MYO18B: variants seen among roughly 807,000 people sequenced by gnomAD.
The protein encoded by MYO18B is unconventional myosin-XVIIIb.
Under a neutral mutation model 273.0 loss-of-function variants are expected in MYO18B, and 204 were observed. The observed-to-expected ratio is 0.75, with a 90% CI of 0.67 to 0.84. The LOEUF (loss-of-function observed/expected upper bound fraction) is 0.84. Among genes scored for constraint, MYO18B ranks in the 40% least tolerant of loss-of-function variants. MYO18B has a pLI of 0.00. For synonymous variants in MYO18B, 1,330 were observed against 1,305.7 expected (o/e 1.02, Z -0.40); for missense variants, 3,212 against 3,287.6 (o/e 0.98, Z 0.56).
chr22:25,825,276 C>T (rs536203185), intron 13 of MYO18B, among the ~76,000 whole-genome samples: 2 of 152,054 alleles, frequency 1.3e-5, no homozygotes, highest in South Asian at 4.2e-4. Context: ...GGTTGCCTAG[C>T]AACAGCCCAG....
At chr22:25,849,114 A>C (rs1446638020) in intron 20 of MYO18B, among the ~76,000 whole-genome samples, 1 of 152,182 alleles carries the variant, frequency 6.6e-6, no homozygotes, top group Non-Finnish European at 1.5e-5. Context: ...CACTTAATCG[A>C]TTCTATTTGG....
Position 25,768,577 on chromosome 22 carries a change from C to T in MYO18B, c.661C>T (p.Leu221Phe). Residue 221 changes from leucine (L) to phenylalanine (F), a missense_variant, in exon 4 of 44, where the codon CTT becomes TTT. Leu to Phe is a conservative substitution (Grantham distance 22, BLOSUM62 0). Transcript: ENST00000335473. ...AGCTGAGAAGACCCGGACTGGGGGT[C>T]TTGGGGACCCAGGCCAAGGAACTGT... ...PKAEKTRTGG[L>F]GDPGQGTVAL... is the part of the protein sequence containing the mutation. 1 of 1,531,616 alleles carries T rather than the reference C, an allele frequency of 6.5e-7. No individual in the cohort carries two copies. Among genetic ancestry groups the T allele is most frequent in the Non-Finnish European group, 8.7e-7 (1 of 1,144,156 alleles). 94.9% of individuals were successfully genotyped at this position (1,531,616 alleles called of 1,614,324 possible). A position where few individuals can be genotyped will look rare whatever the true frequency, so the allele number is the denominator to read the frequency against.
intron 22 of MYO18B, among the ~76,000 whole-genome samples, chr22:25,873,934 C>G (rs965438699): frequency 6.6e-6 from 1 of 152,190 alleles, no homozygotes; most frequent in Non-Finnish European, 1.5e-5. Flanking sequence ...CTGTGCTTCT[C>G]AAAGGAACGT....
intron 42 of MYO18B, among the ~76,000 whole-genome samples, chr22:26,015,984 G>T (rs982768068): frequency 6.6e-6 from 1 of 152,136 alleles, no homozygotes; most frequent in African/African-American, 2.4e-5. Context: ...CAGGATGGAC[G>T]CAAGGAAATA....
chr22:25,925,707 C>A (rs1400785848), intron 34 of MYO18B, among the ~76,000 whole-genome samples: 2 of 149,192 alleles, frequency 1.3e-5, no homozygotes, highest in Middle Eastern at 3.9e-3. Flanking sequence ...GAGTTTGAGA[C>A]CAGCCTGGTT....
intron 42 of MYO18B, among the ~76,000 whole-genome samples, chr22:26,015,506 T>C (rs1222420892): frequency 6.6e-6 from 1 of 152,194 alleles, no homozygotes; most frequent in African/African-American, 2.4e-5. Flanking sequence ...TGCAGGGACA[T>C]GAATGGAGCT....
intron 11 of MYO18B, among the ~76,000 whole-genome samples, chr22:25,789,304 A>G (rs2145709693): frequency 7.0e-6 from 1 of 143,356 alleles, no homozygotes; most frequent in South Asian, 2.3e-4. Flanking sequence ...CTTCTAATTC[A>G]TATTTTTAAT....
At chr22:25,771,159 C>G (rs544729112) in intron 6 of MYO18B, among the ~76,000 whole-genome samples, 175 bp downstream of exon 6, 5 of 152,312 alleles carry the variant, frequency 3.3e-5, no homozygotes, top group South Asian at 2.1e-4. Context: ...ACTCATTGCT[C>G]TACTGGAGGG....
In MYO18B at chr22:25,955,021, A is replaced by G. The variant is rs1375139243; in HGVS notation, c.5971-158A>G. ...ACTGCGCCCGACCATCATTTTTTGC[A>G]TGTTGTTAATTCTTCATTTTTGTAG... On this transcript the variant is annotated intron_variant, in intron 38 of 43. Transcript: ENST00000335473. Among the ~76,000 whole-genome samples, 3 of 152,040 alleles carry G rather than the reference A, an allele frequency of 2.0e-5. No homozygotes were observed. In the South Asian group the frequency reaches 6.2e-4, roughly 32 times the overall value.
intron 37 of MYO18B, among the ~76,000 whole-genome samples, chr22:25,951,418 C>G (rs2146625643): frequency 6.6e-6 from 1 of 152,330 alleles, no homozygotes; most frequent in South Asian, 2.1e-4. Flanking sequence ...TGCACACACA[C>G]TCACACTCAT....
the MYO18B span, among the ~76,000 whole-genome samples, chr22:26,036,900 C>T: frequency 1.5e-4 from 23 of 152,236 alleles, no homozygotes; most frequent in African/African-American, 2.6e-4. Context: ...GGAGAGAGAA[C>T]GTAACAAGGG....
At chr22:25,869,097 GAGATTGTAA>G (rs1438543516) in intron 22 of MYO18B, among the ~76,000 whole-genome samples, 1 of 152,080 alleles carries the variant, frequency 6.6e-6, no homozygotes, top group African/African-American at 2.4e-5. Flanking sequence ...GTGGGGCACG[GAGATTGTAA>G]ACTCAAGGAC....
chr22:25,748,192 G>A (rs1040109122), intron 1 of MYO18B, among the ~76,000 whole-genome samples: 3 of 152,172 alleles, frequency 2.0e-5, no homozygotes, highest in South Asian at 2.1e-4. Flanking sequence ...GGTTAACCTC[G>A]TTGTCTGTTG....
At chr22:25,838,285 G>A (rs1221061866) in intron 17 of MYO18B, among the ~76,000 whole-genome samples, 2 of 151,958 alleles carry the variant, frequency 1.3e-5, no homozygotes, top group East Asian at 1.9e-4. Flanking sequence ...TGCAACCTCC[G>A]CCTCCCGGGT....
At chr22:25,752,773 C>G (rs2085972590) in intron 1 of MYO18B, among the ~76,000 whole-genome samples, 3 of 152,254 alleles carry the variant, frequency 2.0e-5, no homozygotes, top group Non-Finnish European at 4.4e-5. Flanking sequence ...TTGAGGAGCC[C>G]CTCTCTAGGC....
chr22:25,966,849 C>G (rs1274465630), intron 39 of MYO18B, among the ~76,000 whole-genome samples: 4 of 152,220 alleles, frequency 2.6e-5, no homozygotes, highest in African/African-American at 9.7e-5. Context: ...GTCTTTATCT[C>G]ACATGGTGAA....
intron 39 of MYO18B, among the ~76,000 whole-genome samples, chr22:25,963,405 G>A (rs2092941724): frequency 1.3e-5 from 2 of 151,432 alleles, no homozygotes; most frequent in African/African-American, 4.9e-5. Flanking sequence ...CCTTCCCCTG[G>A]TGGCTCCAGG....
At chr22:25,946,530 C>T (rs966228300) in intron 35 of MYO18B, among the ~76,000 whole-genome samples, 1 of 152,164 alleles carries the variant, frequency 6.6e-6, no homozygotes, top group African/African-American at 2.4e-5. Flanking sequence ...ATAAGGGCAT[C>T]AGCGAGGCTC....
At chr22:25,955,131 C>G in intron 38 of MYO18B, 48 bp from the exon 39 acceptor site, 1 of 1,509,558 alleles carries the variant, frequency 6.6e-7, no homozygotes, top group Non-Finnish European at 8.9e-7. Flanking sequence ...TTGTTTCATA[C>G]CCCTGGCCTC....
Sources: allele counts gnomAD v4.1 joint callset (sites outside exome capture counted in the v4.1 genomes callset), GRCh38; gene constraint gnomAD v4.1.1; transcripts MANE v1.5; gene names NCBI Gene and HGNC (gene_info 2026-07-23, HGNC 2026-07-21).